Variants in CAPN5 observed in about 807,000 individuals in gnomAD.
CAPN5 encodes calpain-5.
A neutral mutation model predicts 73.0 loss-of-function variants in CAPN5; 54 were observed. The observed-to-expected ratio is 0.74, with a 90% CI of 0.59 to 0.93. The LOEUF (loss-of-function observed/expected upper bound fraction) is 0.93. Ranked by LOEUF, CAPN5 falls within the 40% of genes least tolerant of loss-of-function variation. The probability of loss-of-function intolerance (pLI) is 0.00; values close to 1 mark genes in which losing one functional copy is unlikely to be tolerated. For synonymous variants in CAPN5, 335 were observed against 356.9 expected (o/e 0.94, Z 0.69); for missense variants, 785 against 882.9 (o/e 0.89, Z 1.41).
At chr11:77,106,412 A>G (rs1222916818) in intron 3 of CAPN5, among the ~76,000 whole-genome samples, 13 of 152,038 alleles carry the variant, frequency 8.6e-5, no homozygotes, top group Non-Finnish European at 1.5e-4. Context: ...CTATCCCCAG[A>G]GTGCAGGAAT....
chr11:77,092,045 C>A lies in CAPN5; in HGVS notation c.166-1637C>A, dbSNP rs576186036. ...GACCAGCCTGGGCAACATAGTGAGA[C>A]CTCATCTCTACAAAAAATTTAAGAG... On this transcript the variant is annotated intron_variant, in intron 2 of 12. Transcript: ENST00000648180. 7.2e-5 allele frequency among the ~76,000 whole-genome samples: 11 copies of A among 152,258 alleles called. No homozygotes were observed. In the South Asian group the frequency reaches 2.3e-3, roughly 32 times the overall value.
intron 3 of CAPN5, among the ~76,000 whole-genome samples, chr11:77,095,097 G>A (rs571603242): frequency 6.6e-5 from 10 of 152,324 alleles, no homozygotes; most frequent in Admixed American, 3.9e-4. Flanking sequence ...TAGGGCCCCT[G>A]GGGCCTTGGC....
At chr11:77,067,598 G>T (rs1555032313) in intron 1 of CAPN5, among the ~76,000 whole-genome samples, 1 of 150,632 alleles carries the variant, frequency 6.6e-6, no homozygotes, top group Non-Finnish European at 1.5e-5. Context: ...CAGGTTGAAA[G>T]GGGGCTTTTC....
intron 2 of CAPN5, among the ~76,000 whole-genome samples, chr11:77,088,989 CA>C: frequency 6.6e-6 from 1 of 152,276 alleles, no homozygotes; most frequent in South Asian, 2.1e-4. Flanking sequence ...AGCCCCTGTA[CA>C]GCCCAATCCT....
rs1046217126 is a variant in CAPN5, at chr11:77,114,307, G to A, written c.572G>A (p.Gly191Asp). 1.9e-6 allele frequency: 3 copies of A among 1,614,106 alleles called. No individual in the cohort carries two copies. The highest frequency in any genetic ancestry group is 3.3e-5 in the Admixed American group (2 of 60,008). The change falls in exon 5 of 13, where the codon GGT becomes GAT. Residue 191 changes from glycine to aspartate, a missense_variant. Coordinates refer to ENST00000648180, the MANE Select transcript of CAPN5 (RefSeq NM_004055.5). The part of the protein sequence containing the change: ...NTADALVDFT[G>D]GVSEPIDLTE... The stretch of plus-strand genomic sequence containing the variant: ...GCAGACGCACTGGTGGACTTCACGG[G>A]TGGTGTTTCTGAGCCCATCGACCTG...
chr11:77,071,501 C>T (rs1011939618), intron 1 of CAPN5: 3 of 384,084 alleles, frequency 7.8e-6, no homozygotes, highest in African/African-American at 2.0e-5. Flanking sequence ...TGGGGAGTCC[C>T]GCTTTACAGG....
At chr11:77,088,398 G>A (rs1415260578) in intron 2 of CAPN5, among the ~76,000 whole-genome samples, 2 of 152,180 alleles carry the variant, frequency 1.3e-5, no homozygotes, top group African/African-American at 4.8e-5. Context: ...GGCACACCCA[G>A]CCGAACTGCC....
intron 11 of CAPN5, 45 bp from the exon 12 acceptor site, chr11:77,122,531 G>GCCCCCACCCCCCCCCCCCCC: frequency 8.1e-7 from 1 of 1,228,402 alleles, no homozygotes; most frequent in Non-Finnish European, 1.2e-6. Context: ...CCCTGCCACA[G>GCCCCCACCCCCCCCCCCCCC]CCCCCACCCC....
chr11:77,100,327 T>G (rs1950271468), intron 3 of CAPN5, among the ~76,000 whole-genome samples: 1 of 152,040 alleles, frequency 6.6e-6, no homozygotes, highest in Non-Finnish European at 1.5e-5. Context: ...CCTGCTCCCT[T>G]GCCCACAAGC....
intron 1 of CAPN5, among the ~76,000 whole-genome samples, chr11:77,082,559 A>G (rs551538553): frequency 1.3e-5 from 2 of 152,294 alleles, no homozygotes; most frequent in East Asian, 1.9e-4. Flanking sequence ...CAGTCTGTGC[A>G]AGGGCCGGGG....
intron 3 of CAPN5, among the ~76,000 whole-genome samples, chr11:77,098,934 G>C (rs1301941519): frequency 1.1e-5 from 1 of 90,542 alleles, no homozygotes; most frequent in African/African-American, 5.3e-5. Context: ...CTTCTCAGAC[G>C]GGGCGGCTGC....
chr11:77,089,748 C>T (rs1392442613), intron 2 of CAPN5, among the ~76,000 whole-genome samples: 1 of 152,244 alleles, frequency 6.6e-6, no homozygotes, highest in Non-Finnish European at 1.5e-5. Flanking sequence ...GTGGCAGGTG[C>T]CTGTAGTCCC....
chr11:77,078,922 C>T (rs1237069085), intron 1 of CAPN5, among the ~76,000 whole-genome samples: 2 of 151,806 alleles, frequency 1.3e-5, no homozygotes, highest in Non-Finnish European at 2.9e-5. Flanking sequence ...CTGTGTATTC[C>T]TTCTATACCT....
At chr11:77,078,289 G>A (rs1235851064) in intron 1 of CAPN5, among the ~76,000 whole-genome samples, 1 of 152,160 alleles carries the variant, frequency 6.6e-6, no homozygotes, top group African/African-American at 2.4e-5. Context: ...TGGATATCTG[G>A]TTTTCCCAAC....
chr11:77,069,976 T>G (rs1949886299), intron 1 of CAPN5, among the ~76,000 whole-genome samples: 1 of 152,062 alleles, frequency 6.6e-6, no homozygotes, highest in Admixed American at 6.5e-5. Flanking sequence ...GGCTTTGCCT[T>G]TCCCTGCTCA....
At chr11:77,105,550 G>A (rs1291120477) in intron 3 of CAPN5, among the ~76,000 whole-genome samples, 2 of 152,194 alleles carry the variant, frequency 1.3e-5, no homozygotes, top group South Asian at 2.1e-4. Context: ...CTGGGCAGGG[G>A]GTGGATGGAA....
chr11:77,071,426 C>T (rs538714199), intron 1 of CAPN5, among the ~76,000 whole-genome samples: 18 of 152,298 alleles, frequency 1.2e-4, no homozygotes, highest in Middle Eastern at 3.4e-3. Flanking sequence ...CAGACATTCA[C>T]GCAATAAGCC....
intron 1 of CAPN5, among the ~76,000 whole-genome samples, chr11:77,078,516 C>A (rs1949996625): frequency 6.6e-6 from 1 of 152,020 alleles, no homozygotes; most frequent in African/African-American, 2.4e-5. Flanking sequence ...CAGCTTTGTT[C>A]TTTTTGTTTA....
chr11:77,072,660 A>G (rs781793814), intron 1 of CAPN5, among the ~76,000 whole-genome samples: 28 of 152,044 alleles, frequency 1.8e-4, no homozygotes, highest in Admixed American at 6.5e-4. Flanking sequence ...GAACAGCACA[A>G]CTCATTTCTG....
Sources: allele counts gnomAD v4.1 joint callset (sites outside exome capture counted in the v4.1 genomes callset), GRCh38; gene constraint gnomAD v4.1.1; transcripts MANE v1.5; gene names NCBI Gene and HGNC (gene_info 2026-07-23, HGNC 2026-07-21).